PHF14: variants seen among roughly 807,000 people sequenced by gnomAD.
PHF14 encodes the protein PHD finger protein 14.
In PHF14, 55 loss-of-function variants were observed where a neutral mutation model predicts 117.9. The observed-to-expected ratio is 0.47, with a 90% CI of 0.38 to 0.58. The LOEUF is 0.58. Ranked by LOEUF, PHF14 falls within the 20% of genes least tolerant of loss-of-function variation. The probability of loss-of-function intolerance (pLI) is 0.00; values close to 1 mark genes in which losing one functional copy is unlikely to be tolerated. For synonymous variants in PHF14, 409 were observed against 368.6 expected (o/e 1.11, Z -1.26); for missense variants, 978 against 1,122.2 (o/e 0.87, Z 1.84).
chr7:11,063,615 G>T, intron 16 of PHF14: 3 of 975,744 alleles, frequency 3.1e-6, no homozygotes, highest in Non-Finnish European at 3.7e-6. Flanking sequence ...TTTAATATGA[G>T]ATTGATTGAG....
chr7:11,104,963 C>T (rs909564242), intron 16 of PHF14: 2 of 929,672 alleles, frequency 2.2e-6, no homozygotes, highest in Non-Finnish European at 1.3e-6. Flanking sequence ...CCTTAGATTT[C>T]CTCTAGATAA....
chr7:10,981,121 A>G (rs1023818501), intron 2 of PHF14, among the ~76,000 whole-genome samples: 1 of 152,182 alleles, frequency 6.6e-6, no homozygotes, highest in African/African-American at 2.4e-5. Flanking sequence ...GGGGTTCACT[A>G]GATACCAGAT....
At chr7:11,102,353 T>G in intron 16 of PHF14, 1 of 860,188 alleles carries the variant, frequency 1.2e-6, no homozygotes, top group Admixed American at 2.2e-5. Context: ...AGGTTTAGAG[T>G]ATCTATCTCT....
intron 17 of PHF14, among the ~76,000 whole-genome samples, chr7:11,162,072 C>CTTTTTTTTTTTTTTTTTTTTT (rs564998009): frequency 1.4e-5 from 1 of 70,276 alleles, no homozygotes; most frequent in Non-Finnish European, 3.0e-5. Flanking sequence ...AAAAATATGT[C>CTTTTTTTTTTTTTTTTTTTTT]TTTTTTTTTT....
In PHF14 at chr7:11,119,343, C is replaced by G. The variant is rs559432896; in HGVS notation, c.2772+7876C>G. Among the ~76,000 whole-genome samples, 14 of 151,762 alleles carry G rather than the reference C, an allele frequency of 9.2e-5. 1 individual carries two copies. Among genetic ancestry groups the G allele is most frequent in the Admixed American group, 7.2e-4 (11 of 15,198 alleles). ...CAAAAGTTAATAAAAGTATTTTTAC[C>G]TTATTAACCCAGCATTTGAAATATT... is the stretch of plus-strand genomic sequence containing the variant. On this transcript the variant is annotated intron_variant, in intron 17 of 17. Coordinates refer to ENST00000634607, the MANE Select transcript of PHF14 (RefSeq NM_001007157.2).
rs763995451 is a variant in PHF14 at position 11,036,541 on chromosome 7, A to G, written c.1726A>G (p.Ile576Val). The G allele has an allele frequency of 7.7e-5, 125 of 1,613,894 alleles. No homozygotes were observed. The highest frequency in any genetic ancestry group is 1.0e-4 in the Non-Finnish European group (119 of 1,179,872). ...ACCACTCACCAGCAGTGCTTCAGCT[A>G]TTCGTAAACTTATGCGGAAAGCAGA... ...PRPLTSSASAIRKLMRKAELM... is the reference protein window; with the variant it reads ...PRPLTSSASAVRKLMRKAELM... The change falls in exon 9 of 18, where the codon ATT becomes GTT. Residue 576 changes from isoleucine to valine, a missense_variant. This residue lies in a region of PHF14 where 237 missense variants were observed against 276.4 expected (regional missense o/e 0.86). Coordinates refer to ENST00000634607, the MANE Select transcript of PHF14 (RefSeq NM_001007157.2).
chr7:10,986,051 T>C (rs1162375589), intron 3 of PHF14, among the ~76,000 whole-genome samples: 1 of 152,096 alleles, frequency 6.6e-6, no homozygotes, highest in Non-Finnish European at 1.5e-5. Flanking sequence ...TAACTGCAGC[T>C]TTGATCTCCC....
chr7:11,108,743 T>A (rs1398311440), intron 16 of PHF14: 1 of 151,804 alleles, frequency 6.6e-6, no homozygotes, highest in Non-Finnish European at 1.5e-5. Context: ...TGGAACTGTG[T>A]TAGTGTAGCA....
chr7:11,038,431 A>G (rs1583399029), intron 10 of PHF14, among the ~76,000 whole-genome samples: 2 of 130,248 alleles, frequency 1.5e-5, no homozygotes, highest in East Asian at 5.2e-4. Context: ...ACTCCATCTC[A>G]AAAAAAAAAA....
chr7:11,013,263 G>A (rs887885478), intron 4 of PHF14, among the ~76,000 whole-genome samples: 6 of 152,254 alleles, frequency 3.9e-5, no homozygotes, highest in Admixed American at 3.3e-4. Context: ...CAGGGTTCAA[G>A]TGATTCTCCT....
chr7:11,105,325 A>G (rs1207611760), intron 16 of PHF14: 3 of 934,202 alleles, frequency 3.2e-6, no homozygotes, highest in Non-Finnish European at 3.8e-6. Flanking sequence ...AAATAATAAA[A>G]TATTTACACT....
At chr7:11,006,729 T>A in intron 4 of PHF14, 2 of 671,490 alleles carry the variant, frequency 3.0e-6, no homozygotes, top group Non-Finnish European at 5.6e-6. Context: ...TGTCTTGGGC[T>A]GCTGGAAGGT....
chr7:11,132,763 T>C (rs1788123747), intron 17 of PHF14, among the ~76,000 whole-genome samples: 1 of 151,824 alleles, frequency 6.6e-6, no homozygotes, highest in African/African-American at 2.4e-5. Flanking sequence ...TCACCAACAT[T>C]TGTTATCTTT....
intron 6 of PHF14, among the ~76,000 whole-genome samples, chr7:11,026,436 G>A (rs900667924): frequency 2.6e-5 from 4 of 152,198 alleles, no homozygotes; most frequent in Admixed American, 2.6e-4. Context: ...GAAGTGGTCT[G>A]GAGCTGAACT....
At chr7:11,014,514 C>G (rs1358644858) in intron 5 of PHF14, among the ~76,000 whole-genome samples, 1 of 152,042 alleles carries the variant, frequency 6.6e-6, no homozygotes. Flanking sequence ...AGAAGGCCCT[C>G]TGTGTTGAGA....
At chr7:11,120,392 A>G (rs551454087) in intron 17 of PHF14, among the ~76,000 whole-genome samples, 2 of 152,148 alleles carry the variant, frequency 1.3e-5, no homozygotes, top group African/African-American at 2.4e-5. Context: ...TGATTTTCAA[A>G]TGTTAAGAAA....
chr7:11,156,614 T>C (rs1373775606), intron 17 of PHF14, among the ~76,000 whole-genome samples: 1 of 151,972 alleles, frequency 6.6e-6, no homozygotes, highest in African/African-American at 2.4e-5. Context: ...ACCAACATGG[T>C]GAAACCCTAT....
At chr7:11,007,685 A>G (rs987412783) in intron 4 of PHF14, among the ~76,000 whole-genome samples, 2 of 152,236 alleles carry the variant, frequency 1.3e-5, no homozygotes, top group African/African-American at 4.8e-5. Flanking sequence ...TGAATATTAA[A>G]TAAAATGTGG....
chr7:11,100,074 T>C (rs1326491535), intron 16 of PHF14, among the ~76,000 whole-genome samples: 3 of 152,110 alleles, frequency 2.0e-5, no homozygotes, highest in Admixed American at 6.6e-5. Flanking sequence ...GCCAACTATA[T>C]TGTTTTTGAT....
Sources: gnomAD v4.1 joint callset for allele counts (sites outside exome capture counted in the v4.1 genomes callset) on GRCh38, gnomAD v4.1.1 for gene constraint, gnomAD v4.1.1 regional missense constraint, MANE v1.5 for transcripts, NCBI Gene and HGNC (gene_info 2026-07-23, HGNC 2026-07-21) for gene names.